The following INSL6 variants were observed in gnomAD, a reference collection of about 807,000 sequenced individuals.
INSL6 encodes insulin like 6, also known as insulin-like peptide INSL6.
A neutral mutation model predicts 9.4 loss-of-function variants in INSL6; 16 were observed. The ratio of observed to expected loss-of-function variants is 1.70; its 90% CI spans 1.15 to 2.59. The LOEUF (loss-of-function observed/expected upper bound fraction) is 2.59, where lower values mean the gene tolerates loss of function less well. Ranked by LOEUF, INSL6 falls within the 30% of genes most tolerant of loss-of-function variation. The pLI, the probability that INSL6 is intolerant of heterozygous loss-of-function variation, is 0.00. For synonymous variants in INSL6, 154 were observed against 96.9 expected, an observed-to-expected ratio of 1.59 and a Z score of -3.46; for missense variants, 391 against 257.3, an observed-to-expected ratio of 1.52 and a Z score of -3.56.
At chr9:5,137,466 C>T (rs1452620611) in intron 2 of INSL6, among the ~76,000 whole-genome samples, 1 of 152,158 alleles carries the variant, frequency 6.6e-6, no homozygotes, top group Non-Finnish European at 1.5e-5. Flanking sequence ...AATAACACCA[C>T]ACATCTACAA....
At chr9:5,058,046 G>A in the INSL6 span, among the ~76,000 whole-genome samples, 1 of 152,088 alleles carries the variant, frequency 6.6e-6, no homozygotes, top group Non-Finnish European at 1.5e-5. Flanking sequence ...ATATATGTAT[G>A]TATTCTGTGT....
At chr9:5,017,923 G>A in the INSL6 span, among the ~76,000 whole-genome samples, 494 of 152,206 alleles carry the variant, frequency 3.2e-3, 2 homozygotes, top group Middle Eastern at 0.02. Context: ...AAAGTCTGTT[G>A]TATCTGATAT....
At chr9:5,165,159 C>T (rs1361642461) in intron 1 of INSL6, among the ~76,000 whole-genome samples, 2 of 151,968 alleles carry the variant, frequency 1.3e-5, no homozygotes, top group Admixed American at 6.6e-5. Context: ...TGCAGTGAGC[C>T]GAGATAGTGC....
At chr9:5,111,893 A>G in the INSL6 span, 1 of 358,440 alleles carries the variant, frequency 2.8e-6, no homozygotes, top group Non-Finnish European at 5.5e-6. Flanking sequence ...AGCTCTGGGG[A>G]CGCCCTCGGG....
the INSL6 span, among the ~76,000 whole-genome samples, chr9:5,002,915 T>C: frequency 6.6e-6 from 1 of 152,014 alleles, no homozygotes; most frequent in African/African-American, 2.4e-5. Context: ...GTGTACCGTA[T>C]GAAGTAGATA....
At chr9:5,036,294 A>G in the INSL6 span, among the ~76,000 whole-genome samples, 14 of 152,242 alleles carry the variant, frequency 9.2e-5, no homozygotes, top group African/African-American at 3.4e-4. Flanking sequence ...GAAAATGGCC[A>G]TACTGCCCAA....
chr9:5,167,634 G>C lies in INSL6; in HGVS notation c.290-3369C>G, dbSNP rs796828002. On this transcript the variant is annotated intron_variant, in intron 1 of 1. Transcript: ENST00000381641. ...CTGATATCCCTGAGAAGAGGCTCTAGGAGGAGGGTTGGCCACGCTATCGTG... is the reference window on the plus strand; with the variant it reads ...CTGATATCCCTGAGAAGAGGCTCTACGAGGAGGGTTGGCCACGCTATCGTG... Among the ~76,000 whole-genome samples, 21 of 152,334 alleles carry C rather than the reference G, an allele frequency of 1.4e-4. 1 individual carries two copies. The highest frequency in any genetic ancestry group is 4.8e-4 in the African/African-American group (20 of 41,578).
chr9:5,030,586 A>G, the INSL6 span, among the ~76,000 whole-genome samples: 2 of 152,160 alleles, frequency 1.3e-5, no homozygotes, highest in African/African-American at 4.8e-5. Context: ...AAATTTATTC[A>G]TGGTCACACA....
chr9:5,166,767 G>A lies in INSL6; in HGVS notation c.290-2502C>T, dbSNP rs200187439. 5.9e-5 allele frequency among the ~76,000 whole-genome samples: 9 copies of A among 152,130 alleles called. No homozygotes were observed. The East Asian group carries it at 1.5e-3, about 26-fold the overall frequency. ...TAATATACAAGTTGTTCCAGAAAAC[G>A]AGCAAAAGCTGCCCAGCTCATTTTA... On this transcript the variant is annotated intron_variant, in intron 1 of 1. Coordinates refer to ENST00000381641, the MANE Select transcript of INSL6 (RefSeq NM_007179.3).
intron 1 of INSL6, among the ~76,000 whole-genome samples, chr9:5,183,867 G>A (rs577406077): frequency 6.6e-6 from 1 of 152,202 alleles, no homozygotes; most frequent in East Asian, 1.9e-4. Flanking sequence ...AGTTAAAAAC[G>A]AAAAATATCA....
At chr9:5,049,861 G>A in the INSL6 span, among the ~76,000 whole-genome samples, 1 of 152,158 alleles carries the variant, frequency 6.6e-6, no homozygotes. Flanking sequence ...GCATGTTGCT[G>A]TACTGAATAT....
the INSL6 span, among the ~76,000 whole-genome samples, chr9:5,103,732 G>A: frequency 1.3e-5 from 2 of 152,132 alleles, no homozygotes; most frequent in Non-Finnish European, 2.9e-5. Flanking sequence ...AGAGCACAGT[G>A]CAATCAAATT....
At chr9:5,137,407 G>A (rs1469709282) in intron 2 of INSL6, among the ~76,000 whole-genome samples, 1 of 152,086 alleles carries the variant, frequency 6.6e-6, no homozygotes, top group Non-Finnish European at 1.5e-5. Flanking sequence ...GCATGGTATT[G>A]GTATCAAAAC....
At chr9:5,100,177 C>T in the INSL6 span, 1 of 152,122 alleles carries the variant, frequency 6.6e-6, no homozygotes, top group Non-Finnish European at 1.5e-5. Context: ...CGCCATAGAC[C>T]TTATTCAGGC....
chr9:5,080,092 T>G, the INSL6 span: 2 of 608,302 alleles, frequency 3.3e-6, no homozygotes, highest in African/African-American at 3.7e-5. Context: ...GTCATGTGCA[T>G]GTGCACATCC....
chr9:5,153,199 A>C (rs1181204727), intron 2 of INSL6, among the ~76,000 whole-genome samples: 1 of 149,916 alleles, frequency 6.7e-6, no homozygotes. Flanking sequence ...AGAACCGTTC[A>C]CTCCCCTGAA....
At chr9:5,123,401 C>T (rs76475471), downstream of INSL6, among the ~76,000 whole-genome samples, 740 of 152,010 alleles carry the variant, frequency 4.9e-3, 5 homozygotes, top group African/African-American at 0.016. Context: ...TAAGTGAAAA[C>T]GTGGTATTTG....
intron 2 of INSL6, among the ~76,000 whole-genome samples, chr9:5,135,155 C>A (rs899637826): frequency 3.2e-4 from 49 of 152,002 alleles, no homozygotes; most frequent in African/African-American, 1.2e-3. Context: ...TATATATGCA[C>A]CCAATACAGG....
chr9:5,173,765 A>C (rs1382959293), intron 1 of INSL6, among the ~76,000 whole-genome samples: 1 of 144,562 alleles, frequency 6.9e-6, no homozygotes, highest in Non-Finnish European at 1.5e-5. Flanking sequence ...TGCTGAATTT[A>C]AAAATAAAAT....
Sources: allele counts gnomAD v4.1 joint callset (sites outside exome capture counted in the v4.1 genomes callset), GRCh38; gene constraint gnomAD v4.1.1; transcripts MANE v1.5; gene names NCBI Gene and HGNC (gene_info 2026-07-23, HGNC 2026-07-21).